STK3: variants seen among roughly 807,000 people sequenced by gnomAD.
The protein encoded by STK3 is serine/threonine-protein kinase 3.
STK3 carries 41 observed loss-of-function variants against 58.0 expected under a neutral mutation model. That is an observed-to-expected ratio of 0.71 (90% CI 0.55 to 0.92). STK3 has a LOEUF of 0.92. Among genes scored for constraint, STK3 ranks in the 40% least tolerant of loss-of-function variants. The pLI is 0.00. For synonymous variants in STK3, 170 were observed against 191.0 expected, an observed-to-expected ratio of 0.89 and a Z score of 0.91; for missense variants, 479 against 602.7, an observed-to-expected ratio of 0.79 and a Z score of 2.15.
chr8:98,693,223 C>T (rs1210742624), intron 6 of STK3, among the ~76,000 whole-genome samples: 1 of 151,912 alleles, frequency 6.6e-6, no homozygotes, highest in Non-Finnish European at 1.5e-5. Context: ...ATGGTGAACC[C>T]CATCTCCACA....
intron 1 of STK3, among the ~76,000 whole-genome samples, chr8:98,445,089 T>C (rs1175729767): frequency 6.6e-6 from 1 of 152,210 alleles, no homozygotes; most frequent in Non-Finnish European, 1.5e-5. Context: ...CTTAATACAA[T>C]GTATTCATTT....
At chr8:98,377,922 T>C (rs1183694797) in intron 2 of STK3, among the ~76,000 whole-genome samples, 1 of 152,082 alleles carries the variant, frequency 6.6e-6, no homozygotes, top group Non-Finnish European at 1.5e-5. Flanking sequence ...CACTGCTCTC[T>C]CCTGCCTCTT....
At chr8:98,863,660 T>A (rs899711836) in intron 3 of STK3, among the ~76,000 whole-genome samples, 3 of 152,190 alleles carry the variant, frequency 2.0e-5, no homozygotes, top group Non-Finnish European at 4.4e-5. Flanking sequence ...AACAACCCAT[T>A]ACCATCCATA....
chr8:98,631,077 C>A (rs1221760456), intron 6 of STK3, among the ~76,000 whole-genome samples: 1 of 152,108 alleles, frequency 6.6e-6, no homozygotes, highest in East Asian at 1.9e-4. Flanking sequence ...CAGAATCTGG[C>A]CACATCTCAA....
At chr8:98,400,614 A>G (rs988882559), downstream of STK3, among the ~76,000 whole-genome samples, 2 of 152,236 alleles carry the variant, frequency 1.3e-5, no homozygotes, top group Admixed American at 1.3e-4. Flanking sequence ...GTTTTGAACA[A>G]AAGAGTAACA....
rs1039232102 is a variant in STK3, at chr8:98,675,870, GA to G, written c.684+30596del. 5.1e-5 allele frequency among the ~76,000 whole-genome samples: 7 copies of G among 138,484 alleles called. No individual in the cohort carries two copies. In the South Asian group the frequency reaches 9.1e-4, roughly 18 times the overall value. 90.9% of individuals were successfully genotyped at this position (138,484 alleles called of 152,430 possible). A position where few individuals can be genotyped will look rare whatever the true frequency, so the allele number is the denominator to read the frequency against. On this transcript the variant is annotated intron_variant, in intron 6 of 10. Transcript: ENST00000419617. ...CAGAGCGAGACTCTGTCTCAAAAAA[GA>G]AAAAAAAAAGCAGGGACTCAAACAG...
intron 9 of STK3, among the ~76,000 whole-genome samples, chr8:98,532,106 C>T (rs1826206699): frequency 6.6e-6 from 1 of 152,218 alleles, no homozygotes; most frequent in Non-Finnish European, 1.5e-5. Flanking sequence ...TTTGCATTCA[C>T]AACTTGGCTG....
intron 10 of STK3, among the ~76,000 whole-genome samples, chr8:98,486,104 C>T (rs755621560): frequency 2.0e-5 from 3 of 152,200 alleles, no homozygotes; most frequent in Non-Finnish European, 2.9e-5. Context: ...GATTTGAATT[C>T]TGGCTCCTCC....
intron 6 of STK3, among the ~76,000 whole-genome samples, chr8:98,628,541 A>G (rs1001269569): frequency 6.6e-6 from 1 of 152,182 alleles, no homozygotes; most frequent in Non-Finnish European, 1.5e-5. Flanking sequence ...TCACACCTGT[A>G]ATCCCAGCAC....
the STK3 span, among the ~76,000 whole-genome samples, chr8:98,348,384 G>C: frequency 6.6e-6 from 1 of 152,140 alleles, no homozygotes. Flanking sequence ...TGCAACACCA[G>C]AACCACAATC....
At chr8:98,530,641 C>CAA (rs1456782175) in intron 9 of STK3, among the ~76,000 whole-genome samples, 26 of 152,300 alleles carry the variant, frequency 1.7e-4, no homozygotes, top group Middle Eastern at 3.4e-3. Flanking sequence ...AATAATACCG[C>CAA]AGTGAAGTTT....
chr8:98,620,815 G>A (rs753819508), intron 6 of STK3, among the ~76,000 whole-genome samples: 1 of 151,388 alleles, frequency 6.6e-6, no homozygotes, highest in Admixed American at 6.6e-5. Flanking sequence ...GACAAAAAGA[G>A]TAGTAAAGTT....
intron 6 of STK3, among the ~76,000 whole-genome samples, chr8:98,680,002 A>T (rs1823507957): frequency 6.6e-6 from 1 of 152,182 alleles, no homozygotes; most frequent in Admixed American, 6.5e-5. Flanking sequence ...TGTTGGTACT[A>T]AAAAGTAAGC....
At chr8:98,596,424 T>TA (rs1815829431) in intron 6 of STK3, 2 of 311,278 alleles carry the variant, frequency 6.4e-6, no homozygotes, top group East Asian at 5.6e-5. Context: ...TACTTTTTTT[T>TA]ATCAGTCTCT....
At chr8:98,748,108 G>A (rs922941138) in intron 4 of STK3, among the ~76,000 whole-genome samples, 2 of 152,140 alleles carry the variant, frequency 1.3e-5, no homozygotes, top group Admixed American at 6.5e-5. Context: ...AAATAGAGAT[G>A]TTTAAAATTT....
chr8:98,852,626 TA>T (rs1240290608), intron 3 of STK3, among the ~76,000 whole-genome samples: 1 of 152,154 alleles, frequency 6.6e-6, no homozygotes, highest in Non-Finnish European at 1.5e-5. Context: ...CCTTGAGATT[TA>T]AAAAAAAGCC....
At chr8:98,440,442 T>C (rs951502885) in intron 1 of STK3, among the ~76,000 whole-genome samples, 2 of 152,200 alleles carry the variant, frequency 1.3e-5, no homozygotes, top group Non-Finnish European at 2.9e-5. Flanking sequence ...ATCACCACCA[T>C]CCAATTCCAG....
chr8:98,845,249 A>G (rs1192117418), intron 3 of STK3, among the ~76,000 whole-genome samples: 5 of 152,156 alleles, frequency 3.3e-5, no homozygotes, highest in African/African-American at 1.2e-4. Flanking sequence ...GTTTTATAAT[A>G]TATTTATCAA....
At chr8:98,655,718 A>C (rs1821437281) in intron 6 of STK3, among the ~76,000 whole-genome samples, 1 of 152,056 alleles carries the variant, frequency 6.6e-6, no homozygotes, top group African/African-American at 2.4e-5. Flanking sequence ...TTATGCAGCC[A>C]AAAAACACAT....
Sources: allele counts gnomAD v4.1 joint callset (sites outside exome capture counted in the v4.1 genomes callset), GRCh38; gene constraint gnomAD v4.1.1; transcripts MANE v1.5; gene names NCBI Gene and HGNC (gene_info 2026-07-23, HGNC 2026-07-21).